Variants in RNGTT observed in about 807,000 individuals in gnomAD.
RNGTT encodes the protein RNA guanylyltransferase and 5'-phosphatase.
RNGTT carries 33 observed loss-of-function variants against 79.3 expected under a neutral mutation model. The ratio of observed to expected loss-of-function variants is 0.42; its 90% CI spans 0.32 to 0.56. RNGTT has a LOEUF of 0.56. RNGTT is among the 20% of genes least tolerant of loss of function. The pLI, the probability that RNGTT is intolerant of heterozygous loss-of-function variation, is 0.17. For synonymous variants in RNGTT, 222 were observed against 235.9 expected, an observed-to-expected ratio of 0.94 and a Z score of 0.54; for missense variants, 497 against 739.1, an observed-to-expected ratio of 0.67 and a Z score of 3.80.
At chr6:88,631,411 T>A (rs1183329436) in intron 14 of RNGTT, among the ~76,000 whole-genome samples, 2 of 152,238 alleles carry the variant, frequency 1.3e-5, no homozygotes, top group East Asian at 3.8e-4. Flanking sequence ...TGGTATTTGA[T>A]GTTCCCTACT....
chr6:88,614,886 A>T (rs1772162113), intron 14 of RNGTT, among the ~76,000 whole-genome samples: 1 of 152,252 alleles, frequency 6.6e-6, no homozygotes, highest in Non-Finnish European at 1.5e-5. Context: ...GGCAATGTAC[A>T]TCCTAAATAT....
rs139342593 is a variant in RNGTT at position 88,799,343 on chromosome 6, T to C, written c.1338+2221A>G. On this transcript the variant is annotated intron_variant, in intron 12 of 15. Coordinates refer to ENST00000369485, the MANE Select transcript of RNGTT (RefSeq NM_003800.5). Reference sequence around the variant, plus strand: ...AATTGTCAACAAATATTTAAGGTAATGCTGGCGAACAGGGAGACTTGACTT... The same window carrying C: ...AATTGTCAACAAATATTTAAGGTAACGCTGGCGAACAGGGAGACTTGACTT... Among the ~76,000 whole-genome samples, 174 of 152,240 alleles carry C rather than the reference T, an allele frequency of 1.1e-3. 1 individual carries two copies. Among genetic ancestry groups the C allele is most frequent in the African/African-American group, 4.0e-3 (168 of 41,532 alleles).
rs567317125 is a variant in RNGTT, at chr6:88,653,030, A to G, written c.1506+25323T>C. Reference sequence around the variant, plus strand: ...GAAACTGTGGCATTATTTATCAGACATGACTTCAGCAATAGGGATTTTTAC... The same window carrying G: ...GAAACTGTGGCATTATTTATCAGACGTGACTTCAGCAATAGGGATTTTTAC... On this transcript the variant is annotated intron_variant, in intron 14 of 15. Transcript: ENST00000369485. 3.9e-5 allele frequency among the ~76,000 whole-genome samples: 6 copies of G among 152,304 alleles called. No homozygotes were observed. In the South Asian group the frequency reaches 1.2e-3, roughly 32 times the overall value.
rs1554206717 is a variant in RNGTT, at chr6:88,698,200, G to GAAAT, written c.1440-19782_1440-19781insATTT. ...TATGATATATATATGAAATATATAT[G>GAAAT]ATATATATGAAATATATATATCATA... On this transcript the variant is annotated intron_variant, in intron 13 of 15. Coordinates refer to ENST00000369485, the MANE Select transcript of RNGTT (RefSeq NM_003800.5). Among the ~76,000 whole-genome samples, 3 of 81,324 alleles carry GAAAT rather than the reference G, an allele frequency of 3.7e-5. 1 individual carries two copies. The highest frequency in any genetic ancestry group is 5.8e-5 in the Non-Finnish European group (3 of 51,524). The allele number at this position is 81,324 out of a possible 152,430, so 53.4% of individuals were successfully genotyped here.
chr6:88,934,396 C>T (rs1043086463), intron 2 of RNGTT, among the ~76,000 whole-genome samples: 1 of 152,038 alleles, frequency 6.6e-6, no homozygotes, highest in African/African-American at 2.4e-5. Flanking sequence ...TTTGCATCTT[C>T]CTGATGATTA....
At chr6:88,945,150 C>T (rs890855446) in intron 1 of RNGTT, among the ~76,000 whole-genome samples, 1 of 152,174 alleles carries the variant, frequency 6.6e-6, no homozygotes, top group African/African-American at 2.4e-5. Context: ...CTTTTGGCCA[C>T]GCTATCCCCA....
intron 13 of RNGTT, among the ~76,000 whole-genome samples, chr6:88,723,620 AATTAAAAAGC>A (rs1272127194): frequency 3.9e-5 from 6 of 152,366 alleles, no homozygotes; most frequent in East Asian, 3.9e-4. Context: ...AAAATTGAAA[AATTAAAAAGC>A]ATTAAAAATT....
chr6:88,672,109 A>T (rs2610720), intron 14 of RNGTT, among the ~76,000 whole-genome samples: 40,535 of 151,858 alleles, frequency 0.27, 9,495 homozygotes, highest in African/African-American at 0.63. Context: ...AATAAACAGA[A>T]GGAACTTAAT....
chr6:88,835,387 C>T (rs1781029778), intron 11 of RNGTT, among the ~76,000 whole-genome samples: 1 of 151,604 alleles, frequency 6.6e-6, no homozygotes, highest in African/African-American at 2.4e-5. Flanking sequence ...CAGACACAGA[C>T]AAGCAGAAAA....
intron 8 of RNGTT, among the ~76,000 whole-genome samples, chr6:88,868,931 C>T (rs1006556964): frequency 6.6e-6 from 1 of 152,058 alleles, no homozygotes; most frequent in African/African-American, 2.4e-5. Flanking sequence ...TAATAATCTA[C>T]AAGAAACTTG....
At chr6:88,664,631 C>T (rs577740110) in intron 14 of RNGTT, among the ~76,000 whole-genome samples, 9 of 152,292 alleles carry the variant, frequency 5.9e-5, no homozygotes, top group South Asian at 4.1e-4. Flanking sequence ...ACGCTTGCAA[C>T]GTAACCAGTG....
intron 13 of RNGTT, among the ~76,000 whole-genome samples, chr6:88,753,081 T>C (rs1423262698): frequency 6.6e-6 from 1 of 152,180 alleles, no homozygotes; most frequent in Non-Finnish European, 1.5e-5. Flanking sequence ...AAAGCTGCTG[T>C]AATGTTATCT....
At chr6:88,692,634 A>G (rs947457469) in intron 13 of RNGTT, among the ~76,000 whole-genome samples, 2 of 152,136 alleles carry the variant, frequency 1.3e-5, no homozygotes, top group Admixed American at 1.3e-4. Flanking sequence ...AAAAAAGGGA[A>G]GAAGGAAAAG....
chr6:88,709,600 T>A (rs766711614), intron 13 of RNGTT, among the ~76,000 whole-genome samples: 2 of 152,254 alleles, frequency 1.3e-5, no homozygotes, highest in Non-Finnish European at 2.9e-5. Flanking sequence ...ATTTTAATAA[T>A]ACATTGTATT....
At chr6:88,899,575 G>A (rs1231244656) in intron 6 of RNGTT, among the ~76,000 whole-genome samples, 2 of 151,800 alleles carry the variant, frequency 1.3e-5, no homozygotes, top group Non-Finnish European at 2.9e-5. Flanking sequence ...ACTGCACCCA[G>A]CCTAATTAGA....
At chr6:88,836,187 T>C (rs1781074720) in intron 11 of RNGTT, among the ~76,000 whole-genome samples, 3 of 150,994 alleles carry the variant, frequency 2.0e-5, no homozygotes, top group East Asian at 3.9e-4. Context: ...ATGCATTATA[T>C]GATTTTCTTA....
rs67058652 is a variant in RNGTT at position 88,696,601 on chromosome 6, T to TACACACACACACACACAC, written c.1440-18200_1440-18183dup. ...TGCAGGATGAACAGAAATCCTGAAG[T>TACACACACACACACACAC]ACACACACACACACACACACACACA... On this transcript the variant is annotated intron_variant, in intron 13 of 15. Transcript: ENST00000369485. 1.5e-4 allele frequency among the ~76,000 whole-genome samples: 22 copies of TACACACACACACACACAC among 147,598 alleles called. No individual in the cohort carries two copies. In the South Asian group the frequency reaches 2.2e-3, roughly 15 times the overall value.
chr6:88,871,559 C>T (rs1782358146), intron 8 of RNGTT, among the ~76,000 whole-genome samples: 1 of 152,116 alleles, frequency 6.6e-6, no homozygotes, highest in South Asian at 2.1e-4. Context: ...AGATTATAAA[C>T]AGACTACTAC....
chr6:88,935,541 C>T (rs1253338763), intron 2 of RNGTT, among the ~76,000 whole-genome samples: 1 of 152,010 alleles, frequency 6.6e-6, no homozygotes, highest in Non-Finnish European at 1.5e-5. Context: ...CAGTGAAACC[C>T]CATCTTTAAA....
Sources: allele counts gnomAD v4.1 joint callset (sites outside exome capture counted in the v4.1 genomes callset), GRCh38; gene constraint gnomAD v4.1.1; transcripts MANE v1.5; gene names NCBI Gene and HGNC (gene_info 2026-07-23, HGNC 2026-07-21).